The following CNTNAP2 variants were observed in gnomAD, a reference collection of about 807,000 sequenced individuals.
CNTNAP2 encodes contactin associated protein 2.
In CNTNAP2, 98 loss-of-function variants were observed where a neutral mutation model predicts 155.2. The observed-to-expected ratio is 0.63, with a 90% CI of 0.54 to 0.75. CNTNAP2 has a LOEUF of 0.75. Ranked by LOEUF, CNTNAP2 falls within the 30% of genes least tolerant of loss-of-function variation. The pLI is 0.00. For missense variants in CNTNAP2, 1,727 were observed against 1,688.1 expected, an observed-to-expected ratio of 1.02 and a Z score of -0.40; for synonymous variants, 651 against 631.2, an observed-to-expected ratio of 1.03 and a Z score of -0.47.
At chr7:146,946,646 C>G (rs1445715451) in intron 3 of CNTNAP2, among the ~76,000 whole-genome samples, 3 of 152,076 alleles carry the variant, frequency 2.0e-5, no homozygotes, top group African/African-American at 7.2e-5. Context: ...AATTTAAAAT[C>G]ATGTATAACT....
At chr7:147,133,078 T>C (rs1182813857) in intron 8 of CNTNAP2, among the ~76,000 whole-genome samples, 1 of 152,126 alleles carries the variant, frequency 6.6e-6, no homozygotes, top group African/African-American at 2.4e-5. Context: ...AAAAATAGGA[T>C]AATTTTAAAT....
At chr7:148,210,562 C>G (rs547918698) in intron 18 of CNTNAP2, among the ~76,000 whole-genome samples, 5 of 152,250 alleles carry the variant, frequency 3.3e-5, no homozygotes, top group African/African-American at 1.2e-4. Context: ...ATACTTCACA[C>G]TTGTGTCTTG....
intron 14 of CNTNAP2, among the ~76,000 whole-genome samples, chr7:147,910,491 C>T (rs1275567523): frequency 6.6e-6 from 1 of 152,242 alleles, no homozygotes; most frequent in African/African-American, 2.4e-5. Context: ...CAACTTTAGA[C>T]TCATCCTTAG....
intron 8 of CNTNAP2, among the ~76,000 whole-genome samples, chr7:147,211,623 C>T (rs1390915910): frequency 6.6e-6 from 1 of 151,950 alleles, no homozygotes; most frequent in Non-Finnish European, 1.5e-5. Flanking sequence ...GAAACTAGAC[C>T]TCTGCCTTTC....
At chr7:148,280,604 C>T (rs938480192) in intron 21 of CNTNAP2, among the ~76,000 whole-genome samples, 9 of 152,010 alleles carry the variant, frequency 5.9e-5, no homozygotes, top group Non-Finnish European at 8.8e-5. Flanking sequence ...ACAATGGACT[C>T]AATTAAAGTT....
chr7:147,878,591 A>G (rs1304403463), intron 13 of CNTNAP2, among the ~76,000 whole-genome samples: 1 of 152,162 alleles, frequency 6.6e-6, no homozygotes, highest in Non-Finnish European at 1.5e-5. Context: ...GATTTAGGAA[A>G]TAACTTATTC....
At chr7:147,650,137 G>A (rs974424607) in intron 13 of CNTNAP2, among the ~76,000 whole-genome samples, 1 of 151,818 alleles carries the variant, frequency 6.6e-6, no homozygotes, top group Non-Finnish European at 1.5e-5. Context: ...GTAAAATGAA[G>A]ATAAACTTAA....
rs192261810 is a variant in CNTNAP2, at chr7:147,838,374, G to A, written c.2099-65191G>A. On this transcript the variant is annotated intron_variant, in intron 13 of 23. Transcript: ENST00000361727. ...TTACTTATCCAAATCTCTGCAGCCA[G>A]CTTGAATATCTCCTCAGAAAATAGG... 4.7e-4 allele frequency among the ~76,000 whole-genome samples: 72 copies of A among 152,220 alleles called. 1 individual carries two copies. The highest frequency in any genetic ancestry group is 4.0e-3 in the Admixed American group (61 of 15,256).
At chr7:148,075,831 A>G (rs1220783217) in intron 15 of CNTNAP2, among the ~76,000 whole-genome samples, 1 of 152,228 alleles carries the variant, frequency 6.6e-6, no homozygotes, top group Non-Finnish European at 1.5e-5. Flanking sequence ...AAGCAACCAC[A>G]TAGTACCGTT....
chr7:147,875,933 G>T (rs1799413388), intron 13 of CNTNAP2, among the ~76,000 whole-genome samples: 1 of 152,110 alleles, frequency 6.6e-6, no homozygotes, highest in African/African-American at 2.4e-5. Flanking sequence ...TGAGAGTACA[G>T]AGGTAAAGAA....
Position 147,521,880 on chromosome 7 carries a change from G to T in CNTNAP2, c.1777+35839G>T, listed in dbSNP as rs10268197. 3.3e-3 allele frequency among the ~76,000 whole-genome samples: 499 copies of T among 152,268 alleles called. 3 individuals carry two copies. Among genetic ancestry groups the T allele is most frequent in the African/African-American group, 0.012 (481 of 41,544 alleles). Reference sequence around the variant, plus strand: ...GTTTGTAGGTTATATCCCTCATGCAGAACTGAGAGAGTGGTTCAGCTACCA... The same window carrying T: ...GTTTGTAGGTTATATCCCTCATGCATAACTGAGAGAGTGGTTCAGCTACCA... On this transcript the variant is annotated intron_variant, in intron 11 of 23. Transcript: ENST00000361727.
chr7:146,587,988 C>G (rs1798721191), intron 1 of CNTNAP2, among the ~76,000 whole-genome samples: 1 of 141,816 alleles, frequency 7.1e-6, no homozygotes, highest in African/African-American at 2.7e-5. Context: ...GATTAATTTT[C>G]AAACAAACCG....
chr7:147,835,706 T>A (rs1156743407), intron 13 of CNTNAP2, among the ~76,000 whole-genome samples: 2 of 152,166 alleles, frequency 1.3e-5, no homozygotes, highest in Admixed American at 6.5e-5. Context: ...TTTGTGCAGA[T>A]GTAATGCAGT....
At chr7:146,860,598 T>C (rs2129205052) in intron 3 of CNTNAP2, among the ~76,000 whole-genome samples, 1 of 152,252 alleles carries the variant, frequency 6.6e-6, no homozygotes, top group South Asian at 2.1e-4. Flanking sequence ...GATCTACTCA[T>C]CCCTATGAAG....
At position 147,705,096 on chromosome 7, in the gene CNTNAP2, T is replaced by C. The variant is rs147765294; in HGVS notation, c.2098+65790T>C. ...CTAATTTTTATTATGTATTTCCTTC[T>C]ATTAATTGGGGCTTTGGATTGTTCT... is the stretch of plus-strand genomic sequence containing the variant. On this transcript the variant is annotated intron_variant, in intron 13 of 23. Transcript: ENST00000361727. 1.5e-4 allele frequency among the ~76,000 whole-genome samples: 23 copies of C among 152,214 alleles called. No individual in the cohort carries two copies. The East Asian group carries it at 3.7e-3, about 24-fold the overall frequency.
intron 13 of CNTNAP2, among the ~76,000 whole-genome samples, chr7:147,783,910 G>C (rs1184997831): frequency 6.6e-6 from 1 of 152,142 alleles, no homozygotes; most frequent in Admixed American, 6.6e-5. Context: ...AATTTCTATA[G>C]TTTGCAAGCC....
intron 1 of CNTNAP2, among the ~76,000 whole-genome samples, chr7:146,405,830 A>T (rs1795783300): frequency 6.6e-6 from 1 of 152,222 alleles, no homozygotes; most frequent in South Asian, 2.1e-4. Flanking sequence ...AAAAAGTTTA[A>T]CCTTTTTAGG....
intron 8 of CNTNAP2, among the ~76,000 whole-genome samples, chr7:147,264,576 G>C (rs1804565300): frequency 6.6e-6 from 1 of 150,712 alleles, no homozygotes; most frequent in Non-Finnish European, 1.5e-5. Flanking sequence ...CCCTCTGATG[G>C]AGCTGCTCCA....
chr7:147,838,358 CA>C lies in CNTNAP2; in HGVS notation c.2099-65204del, dbSNP rs1285991871. 2.0e-5 allele frequency among the ~76,000 whole-genome samples: 3 copies of C among 152,162 alleles called. No individual in the cohort carries two copies. In the East Asian group the frequency reaches 5.8e-4, roughly 29 times the overall value. ...ATAACTCGGCTCCTCATTACTTATC[CA>C]AATCTCTGCAGCCAGCTTGAATATC... is the stretch of plus-strand genomic sequence containing the variant. On this transcript the variant is annotated intron_variant, in intron 13 of 23. Transcript: ENST00000361727.
Sources: gnomAD v4.1 joint callset for allele counts (sites outside exome capture counted in the v4.1 genomes callset) on GRCh38, gnomAD v4.1.1 for gene constraint, MANE v1.5 for transcripts, NCBI Gene and HGNC (gene_info 2026-07-23, HGNC 2026-07-21) for gene names.